TBL1XR1: variants seen among roughly 807,000 people sequenced by gnomAD.
TBL1XR1 encodes TBL1X/Y related 1.
TBL1XR1 carries 5 observed loss-of-function variants against 66.9 expected under a neutral mutation model. That is an observed-to-expected ratio of 0.07 (90% CI 0.04 to 0.16). The LOEUF (loss-of-function observed/expected upper bound fraction) is 0.16. TBL1XR1 is among the 10% of genes least tolerant of loss of function. The probability of loss-of-function intolerance (pLI) is 1.00; values close to 1 mark genes in which losing one functional copy is unlikely to be tolerated. For synonymous variants in TBL1XR1, 210 were observed against 206.0 expected, an observed-to-expected ratio of 1.02 and a Z score of -0.17; for missense variants, 238 against 623.2, an observed-to-expected ratio of 0.38 and a Z score of 6.58.
At chr3:177,156,950 G>C (rs913569537) in intron 1 of TBL1XR1, among the ~76,000 whole-genome samples, 3 of 152,176 alleles carry the variant, frequency 2.0e-5, no homozygotes, top group African/African-American at 7.2e-5. Context: ...TACCACAAAC[G>C]TAGTAGCTTA....
intron 1 of TBL1XR1, among the ~76,000 whole-genome samples, chr3:177,121,400 A>T (rs770200557): frequency 2.6e-5 from 4 of 152,188 alleles, no homozygotes; most frequent in Non-Finnish European, 4.4e-5. Context: ...TCCATTGAGA[A>T]ATCTTGCTGG....
intron 3 of TBL1XR1, among the ~76,000 whole-genome samples, chr3:177,055,033 A>G (rs758081151): frequency 1.8e-4 from 27 of 152,194 alleles, no homozygotes; most frequent in Admixed American, 1.0e-3. Context: ...AAACAATTCA[A>G]TTAAATTGTA....
rs146105358 is a variant in TBL1XR1, at chr3:177,067,791, C to T, written c.-45-2769G>A. 1.2e-4 allele frequency among the ~76,000 whole-genome samples: 19 copies of T among 152,174 alleles called. No homozygotes were observed. The East Asian group carries it at 2.9e-3, about 23-fold the overall frequency. On this transcript the variant is annotated intron_variant, in intron 2 of 15. Coordinates refer to ENST00000457928, the MANE Select transcript of TBL1XR1 (RefSeq NM_024665.7). ...CCAAAGAGTGAAATTAGAGAAAATG[C>T]CACTACTTCATGAGTGGACTTAATA...
rs1447596129 is a variant in TBL1XR1 at position 177,164,372 on chromosome 3, G to A, written c.-122+32749C>T. 5.6e-5 allele frequency among the ~76,000 whole-genome samples: 8 copies of A among 143,648 alleles called. No homozygotes were observed. The Admixed American group carries it at 5.7e-4, about 10-fold the overall frequency. 94.2% of individuals were successfully genotyped at this position (143,648 alleles called of 152,430 possible). A position where few individuals can be genotyped will look rare whatever the true frequency, so the allele number is the denominator to read the frequency against. On this transcript the variant is annotated intron_variant, in intron 1 of 15. Coordinates refer to ENST00000457928, the MANE Select transcript of TBL1XR1 (RefSeq NM_024665.7). ...TCAATTTTTTTTTTTTTTTTGAAATGTGGAGTCTTGCCTGTCGCCCAGGCT... is the reference window on the plus strand; with the variant it reads ...TCAATTTTTTTTTTTTTTTTGAAATATGGAGTCTTGCCTGTCGCCCAGGCT...
chr3:177,078,974 C>T (rs6443426), intron 2 of TBL1XR1, among the ~76,000 whole-genome samples: 32,905 of 151,744 alleles, frequency 0.22, 4,017 homozygotes, highest in East Asian at 0.54. Context: ...CTGCTAGGGA[C>T]TTCTCAAAAG....
intron 1 of TBL1XR1, among the ~76,000 whole-genome samples, chr3:177,194,846 G>A (rs1366019048): frequency 6.6e-6 from 1 of 152,110 alleles, no homozygotes; most frequent in African/African-American, 2.4e-5. Context: ...GTATTAAAAT[G>A]CTTAACACTT....
intron 2 of TBL1XR1, among the ~76,000 whole-genome samples, chr3:177,080,233 C>G (rs1721229538): frequency 6.6e-6 from 1 of 152,098 alleles, no homozygotes; most frequent in Non-Finnish European, 1.5e-5. Flanking sequence ...AATATATCAG[C>G]CTTAGTAACA....
At chr3:177,157,960 T>A (rs756998715) in intron 1 of TBL1XR1, among the ~76,000 whole-genome samples, 8 of 152,142 alleles carry the variant, frequency 5.3e-5, no homozygotes, top group Non-Finnish European at 7.3e-5. Flanking sequence ...TGTTTGAAGA[T>A]CATAAATACT....
chr3:177,099,807 A>G (rs552299884), intron 1 of TBL1XR1, among the ~76,000 whole-genome samples: 5 of 152,372 alleles, frequency 3.3e-5, no homozygotes, highest in African/African-American at 1.2e-4. Context: ...AGTTTTTGTC[A>G]CTTTTTGAGC....
intron 1 of TBL1XR1, among the ~76,000 whole-genome samples, chr3:177,164,200 G>A (rs897003445): frequency 6.6e-6 from 1 of 152,104 alleles, no homozygotes; most frequent in African/African-American, 2.4e-5. Flanking sequence ...GGCTTGGTTA[G>A]GACTCCCTGA....
chr3:177,178,311 G>A (rs1249141460), intron 1 of TBL1XR1, among the ~76,000 whole-genome samples: 1 of 152,082 alleles, frequency 6.6e-6, no homozygotes, highest in East Asian at 1.9e-4. Context: ...GACATTTACT[G>A]GGCATCTAAT....
At chr3:177,050,401 C>T in intron 6 of TBL1XR1, 77 bp downstream of exon 6, 2 of 1,521,896 alleles carry the variant, frequency 1.3e-6, no homozygotes, top group Non-Finnish European at 1.8e-6. Context: ...CAACAGAAAA[C>T]CTGAATAATG....
rs745503226 is a variant in TBL1XR1, at chr3:177,158,024, G to C, written c.-122+39097C>G. ...TTTCCCCCCACCCCCAAGGCTAATA[G>C]GTTTGCTCATAGGTAGGTTGGAAAA... On this transcript the variant is annotated intron_variant, in intron 1 of 15. Coordinates refer to ENST00000457928, the MANE Select transcript of TBL1XR1 (RefSeq NM_024665.7). Among the ~76,000 whole-genome samples, 3 of 151,814 alleles carry C rather than the reference G, an allele frequency of 2.0e-5. No homozygotes were observed. The East Asian group carries it at 5.8e-4, about 29-fold the overall frequency.
At chr3:177,130,144 C>CAAAAAAAAAAA (rs779815590) in intron 1 of TBL1XR1, among the ~76,000 whole-genome samples, 1 of 89,174 alleles carries the variant, frequency 1.1e-5, no homozygotes, top group Non-Finnish European at 2.1e-5. Flanking sequence ...GACTCCATCT[C>CAAAAAAAAAAA]AAAAAAAAAA....
chr3:177,029,486 T>G (rs1261847729), intron 14 of TBL1XR1, among the ~76,000 whole-genome samples: 3 of 151,876 alleles, frequency 2.0e-5, no homozygotes, highest in Non-Finnish European at 4.4e-5. Context: ...TGGGGTGTGG[T>G]GGCATGCAGC....
At chr3:177,104,474 C>T (rs1724627797) in intron 1 of TBL1XR1, among the ~76,000 whole-genome samples, 6 of 152,156 alleles carry the variant, frequency 3.9e-5, no homozygotes, top group Admixed American at 3.9e-4. Context: ...CATGGAATTA[C>T]ACATACAGAT....
chr3:177,165,131 T>C (rs1204322386), intron 1 of TBL1XR1, among the ~76,000 whole-genome samples: 2 of 152,262 alleles, frequency 1.3e-5, no homozygotes, highest in East Asian at 1.9e-4. Context: ...ACAGATGACA[T>C]GATTGTCTAC....
chr3:177,157,446 A>T (rs1230280065), intron 1 of TBL1XR1, among the ~76,000 whole-genome samples: 1 of 152,198 alleles, frequency 6.6e-6, no homozygotes, highest in Non-Finnish European at 1.5e-5. Context: ...GGCATGATTT[A>T]GTATATAATA....
chr3:177,088,768 C>T (rs149649593), intron 2 of TBL1XR1, among the ~76,000 whole-genome samples: 102 of 152,078 alleles, frequency 6.7e-4, no homozygotes, highest in African/African-American at 2.4e-3. Context: ...ATGTAACCCT[C>T]TTACTGTTGA....
Sources: gnomAD v4.1 joint callset for allele counts (sites outside exome capture counted in the v4.1 genomes callset) on GRCh38, gnomAD v4.1.1 for gene constraint, MANE v1.5 for transcripts, NCBI Gene and HGNC (gene_info 2026-07-23, HGNC 2026-07-21) for gene names.